The following TNS1 variants were observed in gnomAD, a reference collection of about 807,000 sequenced individuals.
TNS1 encodes the protein tensin-1.
A neutral mutation model predicts 168.6 loss-of-function variants in TNS1; 62 were observed. The observed-to-expected ratio is 0.37, with a 90% CI of 0.30 to 0.45. TNS1 has a LOEUF of 0.45. Ranked by LOEUF, TNS1 falls within the 20% of genes least tolerant of loss-of-function variation. TNS1 has a pLI of 1.00. For synonymous variants in TNS1, 934 were observed against 933.2 expected (o/e 1.00, Z -0.02); for missense variants, 2,240 against 2,339.4 (o/e 0.96, Z 0.88).
chr2:218,003,753 C>T (rs1958616064), upstream of TNS1, among the ~76,000 whole-genome samples: 1 of 151,886 alleles, frequency 6.6e-6, no homozygotes, highest in Admixed American at 6.6e-5. Context: ...CCGGGGCCAA[C>T]ATTTGGTTTG....
intron 3 of TNS1, among the ~76,000 whole-genome samples, chr2:217,921,066 A>G (rs1955661419): frequency 6.6e-6 from 1 of 151,998 alleles, no homozygotes; most frequent in Non-Finnish European, 1.5e-5. Context: ...GGAAGGCTCC[A>G]TCGCTCCCTT....
In TNS1 at chr2:217,804,557, C is replaced by T. The variant is rs1218899817; in HGVS notation, c.5422G>A (p.Ala1808Thr). 1.9e-6 allele frequency: 3 copies of T among 1,614,028 alleles called. No homozygotes were observed. The highest frequency in any genetic ancestry group is 1.1e-5 in the South Asian group (1 of 91,084). Residue 1808 changes from alanine (A) to threonine (T), a missense_variant, in exon 33 of 33, where the codon GCC becomes ACC. This residue lies in a region of TNS1 where 109 missense variants were observed against 168.1 expected (regional missense o/e 0.65). Transcript: ENST00000682258. ...TCAAGCTCAGCAAAGAGGTGGCAGG[C>T]GTTGTCCGTGGTGCTGCCCTGCTTC... Reference protein sequence around the residue: ...ARKQGSTTDNACHLFAELDPN... With the variant: ...ARKQGSTTDNTCHLFAELDPN...
At chr2:217,991,238 C>T (rs1356049339) in intron 1 of TNS1, among the ~76,000 whole-genome samples, 182 bp from the exon 2 acceptor site, 1 of 152,086 alleles carries the variant, frequency 6.6e-6, no homozygotes, top group Non-Finnish European at 1.5e-5. Context: ...GGATGTTCAT[C>T]CCAGACTCAG....
chr2:217,933,860 A>C (rs960065382), intron 3 of TNS1, among the ~76,000 whole-genome samples: 3 of 152,178 alleles, frequency 2.0e-5, no homozygotes, highest in Non-Finnish European at 4.4e-5. Context: ...GGTGGAGTAG[A>C]TAGGAGGATA....
chr2:217,875,059 A>T (rs562944034), intron 18 of TNS1, among the ~76,000 whole-genome samples: 1 of 152,278 alleles, frequency 6.6e-6, no homozygotes, highest in East Asian at 1.9e-4. Context: ...ATTAAACATG[A>T]GCGGAAGGAA....
At chr2:217,889,540 G>A (rs923227038) in intron 12 of TNS1, among the ~76,000 whole-genome samples, 15 of 152,162 alleles carry the variant, frequency 9.9e-5, no homozygotes, top group African/African-American at 3.6e-4. Flanking sequence ...GCGTTCACTT[G>A]GAGGCTTCCT....
chr2:217,921,997 C>G (rs144958295), intron 3 of TNS1, among the ~76,000 whole-genome samples: 77 of 152,306 alleles, frequency 5.1e-4, no homozygotes, highest in Middle Eastern at 3.4e-3. Context: ...GCTTATCACT[C>G]GTGGCCCCAA....
At position 217,817,746 on chromosome 2, in the gene TNS1, C is replaced by T. The variant is rs919328445; in HGVS notation, c.4586G>A (p.Gly1529Asp). The T allele has an allele frequency of 3.7e-6, 6 of 1,612,580 alleles. No homozygotes were observed. The highest frequency in any genetic ancestry group is 3.3e-5 in the Admixed American group (2 of 59,956). Residue 1529 changes from glycine to aspartate, a missense_variant, in exon 24 of 33, where the codon GGC becomes GAC. This residue lies in a region of TNS1 where 2,131 missense variants were observed against 2,171.2 expected (regional missense o/e 0.98). Coordinates refer to ENST00000682258, the MANE Select transcript of TNS1 (RefSeq NM_001387777.1). Reference protein sequence around the residue: ...VASGMSSPSGGSTVSFSHTLP... With the variant: ...VASGMSSPSGDSTVSFSHTLP... Reference sequence around the variant, plus strand: ...AGTGTGGGAGAAGGAGACGGTGCTGCCCCCACTGGGACTGGACATGCCGCT... The same window carrying T: ...AGTGTGGGAGAAGGAGACGGTGCTGTCCCCACTGGGACTGGACATGCCGCT...
intron 3 of TNS1, among the ~76,000 whole-genome samples, chr2:217,965,550 CTG>C (rs1957604705): frequency 1.3e-5 from 2 of 152,164 alleles, no homozygotes; most frequent in African/African-American, 4.8e-5. Context: ...AGAACTACAA[CTG>C]AGTCTGAGCC....
chr2:218,033,499 G>A lies in TNS1; in HGVS notation c.156+321C>T, dbSNP rs1428440119. ...GGAAGATTAACTCTTTCCCTACCTT[G>A]CCCCAGCACTCCAGGCCTGCCCCTC... On this transcript the variant is annotated intron_variant, in intron 1 of 1. Transcript: ENST00000649572. The surrounding 1 kb of genome is among the most constrained non-coding windows in gnomAD (Gnocchi z 4.3). Among the ~76,000 whole-genome samples, 1 of 152,058 alleles carries A rather than the reference G, an allele frequency of 6.6e-6. No homozygotes were observed. Among genetic ancestry groups the A allele is most frequent in the Non-Finnish European group, 1.5e-5 (1 of 68,008 alleles).
At position 217,813,631 on chromosome 2, in the gene TNS1, T is replaced by C. The variant is rs1400254019; in HGVS notation, c.4861+54A>G. ...TGGGTCCCTCCAGCACCTCCAGGTT[T>C]AGCGACTGTAAAGCTCACCTGGTCC... On this transcript the variant is annotated intron_variant, in intron 26 of 32. Transcript: ENST00000682258. This position sits in a 1 kb window ranked among gnomAD's most constrained non-coding sequence, Gnocchi z 4.0. The C allele has an allele frequency of 6.4e-7, 1 of 1,552,586 alleles. No homozygotes were observed. The highest frequency in any genetic ancestry group is 8.7e-7 in the Non-Finnish European group (1 of 1,148,998).
intron 13 of TNS1, 64 bp downstream of exon 13, chr2:217,886,470 A>G (rs1338213962): frequency 1.5e-6 from 2 of 1,341,990 alleles, no homozygotes; most frequent in East Asian, 4.9e-5. Flanking sequence ...TGCCTCTTAG[A>G]GAAGATGGAA....
In TNS1 at chr2:217,837,278, C is replaced by T. The variant is rs549480887; in HGVS notation, c.3008-1067G>A. ...TGCCAGTACAGCCAAGCAGAAATCA[C>T]CCTCATTCAGACAGAAACATCTTCT... On this transcript the variant is annotated intron_variant, in intron 19 of 32. Transcript: ENST00000682258. 3.9e-5 allele frequency among the ~76,000 whole-genome samples: 6 copies of T among 152,306 alleles called. No homozygotes were observed. The South Asian group carries it at 1.2e-3, about 32-fold the overall frequency.
At chr2:217,987,611 C>T (rs1958232356) in intron 2 of TNS1, among the ~76,000 whole-genome samples, 1 of 152,242 alleles carries the variant, frequency 6.6e-6, no homozygotes, top group African/African-American at 2.4e-5. Context: ...CTGCCCCCTG[C>T]CTCCAGCAGA....
rs374671906 is a variant in TNS1 at position 217,959,097 on chromosome 2, G to A, written c.186+19668C>T. 2.5e-4 allele frequency among the ~76,000 whole-genome samples: 38 copies of A among 152,310 alleles called. No homozygotes were observed. In the East Asian group the frequency reaches 3.7e-3, roughly 15 times the overall value. Reference sequence around the variant, plus strand: ...GCGGGGAGGGGGCTGTTGGGACATCGGCAGCCCAGGAGTCCTGGTTTCACC... The same window carrying A: ...GCGGGGAGGGGGCTGTTGGGACATCAGCAGCCCAGGAGTCCTGGTTTCACC... On this transcript the variant is annotated intron_variant, in intron 3 of 32. Transcript: ENST00000682258.
At chr2:217,859,033 A>T (rs1322173722) in intron 18 of TNS1, among the ~76,000 whole-genome samples, 1 of 125,966 alleles carries the variant, frequency 7.9e-6, no homozygotes, top group Non-Finnish European at 1.6e-5. Flanking sequence ...GTCCCAGCAC[A>T]GCCCAGCCCA....
Position 217,808,591 on chromosome 2 carries a change from C to T in TNS1, c.5342+12G>A, listed in dbSNP as rs760161684. ...AGCTGTGTGGGAGAGAAGCTGTGTA[C>T]AAGAGACTTACTTTCTTTCCTGTGG... On this transcript the variant is annotated intron_variant, in intron 31 of 32. Transcript: ENST00000682258. 6.2e-7 allele frequency: 1 copy of T among 1,613,752 alleles called. No individual in the cohort carries two copies. The highest frequency in any genetic ancestry group is 1.7e-5 in the Admixed American group (1 of 60,006).
chr2:218,026,381 C>T (rs575891946), intron 1 of TNS1, among the ~76,000 whole-genome samples: 10 of 152,238 alleles, frequency 6.6e-5, no homozygotes, highest in African/African-American at 2.2e-4. Context: ...TTGAGGCTCC[C>T]GAGGAGTGGA....
At chr2:217,822,015 G>A in intron 22 of TNS1, 77 bp from the exon 23 acceptor site, 1 of 1,405,688 alleles carries the variant, frequency 7.1e-7, no homozygotes, top group South Asian at 1.4e-5. Flanking sequence ...AACCTCCCCT[G>A]GAACACAGCT....
Sources: allele counts gnomAD v4.1 joint callset (sites outside exome capture counted in the v4.1 genomes callset), GRCh38; gene constraint gnomAD v4.1.1; regional missense constraint gnomAD v4.1.1; non-coding constraint Gnocchi (gnomAD v3.1); transcripts MANE v1.5; gene names NCBI Gene and HGNC (gene_info 2026-07-23, HGNC 2026-07-21).